The following RBFOX1 variants were observed in gnomAD, a reference collection of about 807,000 sequenced individuals.
RBFOX1 encodes RNA binding protein fox-1 homolog 1.
RBFOX1 carries 8 observed loss-of-function variants against 57.7 expected under a neutral mutation model. That is an observed-to-expected ratio of 0.14 (90% CI 0.08 to 0.25). The LOEUF is 0.25. RBFOX1 is among the 10% of genes least tolerant of loss of function. The pLI, the probability that RBFOX1 is intolerant of heterozygous loss-of-function variation, is 1.00. For missense variants in RBFOX1, 611 were observed against 548.5 expected, an observed-to-expected ratio of 1.11 and a Z score of -1.14; for synonymous variants, 326 against 222.4, an observed-to-expected ratio of 1.47 and a Z score of -4.15.
At chr16:7,433,134 T>G (rs780685943) in intron 4 of RBFOX1, among the ~76,000 whole-genome samples, 2 of 152,194 alleles carry the variant, frequency 1.3e-5, no homozygotes, top group Non-Finnish European at 2.9e-5. Context: ...CCCAACCAAG[T>G]ACTCAAACTT....
At chr16:6,868,715 C>T (rs1171080152) in intron 3 of RBFOX1, among the ~76,000 whole-genome samples, 1 of 152,160 alleles carries the variant, frequency 6.6e-6, no homozygotes, top group South Asian at 2.1e-4. Context: ...AGGTGACCCA[C>T]TTGCTTTGGC....
intron 3 of RBFOX1, among the ~76,000 whole-genome samples, chr16:5,737,089 G>A (rs1280540267): frequency 1.3e-5 from 2 of 152,014 alleles, no homozygotes; most frequent in Admixed American, 6.6e-5. Flanking sequence ...GACTTGCATT[G>A]CCCATAATCT....
intron 1 of RBFOX1, among the ~76,000 whole-genome samples, chr16:6,126,161 C>G (rs1567516042): frequency 6.6e-6 from 1 of 152,170 alleles, no homozygotes; most frequent in Admixed American, 6.5e-5. Flanking sequence ...ATTAAATACC[C>G]CATTTGAAAT....
chr16:6,786,332 C>G (rs2081957919), intron 3 of RBFOX1, among the ~76,000 whole-genome samples: 1 of 152,124 alleles, frequency 6.6e-6, no homozygotes, highest in African/African-American at 2.4e-5. Context: ...CAAAGGCCCA[C>G]AATGTACCCC....
chr16:6,661,191 A>G (rs569076432), intron 3 of RBFOX1, among the ~76,000 whole-genome samples: 1 of 152,332 alleles, frequency 6.6e-6, no homozygotes, highest in Non-Finnish European at 1.5e-5. Context: ...AGCAATCCAA[A>G]TGAAGCACAC....
intron 3 of RBFOX1, among the ~76,000 whole-genome samples, chr16:5,640,652 G>A (rs976859593): frequency 6.8e-6 from 1 of 147,214 alleles, no homozygotes; most frequent in Non-Finnish European, 1.5e-5. Flanking sequence ...CACATGCACA[G>A]CATGCATACA....
intron 3 of RBFOX1, among the ~76,000 whole-genome samples, chr16:5,665,039 A>C (rs1428546609): frequency 2.0e-5 from 3 of 148,740 alleles, no homozygotes; most frequent in Non-Finnish European, 3.0e-5. Context: ...TCTACCTCCC[A>C]TGCTCAAATG....
chr16:5,393,427 C>A (rs996842318), intron 1 of RBFOX1, among the ~76,000 whole-genome samples: 26 of 152,316 alleles, frequency 1.7e-4, no homozygotes, highest in Middle Eastern at 3.4e-3. Context: ...CCTACCCCTT[C>A]AGTGGTTAAG....
At chr16:6,414,393 T>C (rs560232913) in intron 2 of RBFOX1, among the ~76,000 whole-genome samples, 1 of 152,344 alleles carries the variant, frequency 6.6e-6, no homozygotes, top group South Asian at 2.1e-4. Context: ...GGGCACCTAC[T>C]GTGTTGTCTA....
chr16:7,240,897 A>T (rs1406516741), intron 4 of RBFOX1, among the ~76,000 whole-genome samples: 4 of 152,160 alleles, frequency 2.6e-5, no homozygotes, highest in African/African-American at 9.7e-5. Flanking sequence ...ACTCTTCTTG[A>T]AGTACTAATG....
At chr16:5,768,216 A>C (rs75028477) in intron 3 of RBFOX1, among the ~76,000 whole-genome samples, 1,916 of 152,276 alleles carry the variant, frequency 0.013, 19 homozygotes, top group Non-Finnish European at 0.02. Flanking sequence ...AGCATGAGAG[A>C]AGCTGATCCA....
At chr16:5,319,400 ACTGT>A (rs1322575363) in intron 1 of RBFOX1, among the ~76,000 whole-genome samples, 1 of 152,232 alleles carries the variant, frequency 6.6e-6, no homozygotes, top group East Asian at 1.9e-4. Context: ...GTGGTCTCTG[ACTGT>A]CTGCCCTCCC....
intron 1 of RBFOX1, among the ~76,000 whole-genome samples, chr16:6,141,505 G>A (rs1165856773): frequency 1.3e-5 from 2 of 152,074 alleles, no homozygotes; most frequent in African/African-American, 4.8e-5. Flanking sequence ...GCGTCCTGTG[G>A]TTTTGTTCAT....
At chr16:5,591,076 A>T (rs1012316940) in intron 2 of RBFOX1, among the ~76,000 whole-genome samples, 7 of 151,606 alleles carry the variant, frequency 4.6e-5, no homozygotes, top group Non-Finnish European at 1.0e-4. Flanking sequence ...GGTTCTTGCC[A>T]ATGTTGTCAT....
intron 3 of RBFOX1, among the ~76,000 whole-genome samples, chr16:6,911,630 C>G (rs1428166277): frequency 6.6e-6 from 1 of 152,134 alleles, no homozygotes; most frequent in African/African-American, 2.4e-5. Flanking sequence ...CTCACAGATC[C>G]TAAGGGGTTG....
intron 4 of RBFOX1, among the ~76,000 whole-genome samples, chr16:5,995,920 A>C (rs1266697129): frequency 6.6e-6 from 1 of 152,192 alleles, no homozygotes; most frequent in Non-Finnish European, 1.5e-5. Flanking sequence ...GAAGTCCAAG[A>C]CTGAGGCAGT....
intron 3 of RBFOX1, among the ~76,000 whole-genome samples, chr16:6,838,288 C>T (rs558101010): frequency 6.6e-6 from 1 of 152,064 alleles, no homozygotes; most frequent in South Asian, 2.1e-4. Flanking sequence ...GTTTGGTTTT[C>T]TGTTCCTGTG....
At chr16:5,808,862 C>T (rs1444807776) in intron 3 of RBFOX1, among the ~76,000 whole-genome samples, 2 of 152,144 alleles carry the variant, frequency 1.3e-5, no homozygotes, top group Non-Finnish European at 1.5e-5. Flanking sequence ...ATGTCATGTG[C>T]AAACAGGGAC....
At chr16:7,384,795 C>G (rs970410244) in intron 4 of RBFOX1, among the ~76,000 whole-genome samples, 1 of 152,148 alleles carries the variant, frequency 6.6e-6, no homozygotes, top group Non-Finnish European at 1.5e-5. Flanking sequence ...GCTGGGTATT[C>G]AGTGGTATAG....
Sources: allele counts gnomAD v4.1 joint callset (sites outside exome capture counted in the v4.1 genomes callset), GRCh38; gene constraint gnomAD v4.1.1; transcripts MANE v1.5; gene names NCBI Gene and HGNC (gene_info 2026-07-23, HGNC 2026-07-21).